The following SLC6A6 variants were observed in gnomAD, a reference collection of about 807,000 sequenced individuals.
SLC6A6 encodes sodium- and chloride-dependent taurine transporter.
SLC6A6 carries 16 observed loss-of-function variants against 68.8 expected under a neutral mutation model. The ratio of observed to expected loss-of-function variants is 0.23; its 90% confidence interval spans 0.16 to 0.35. The LOEUF is 0.35. Ranked by LOEUF, SLC6A6 falls within the 10% of genes least tolerant of loss-of-function variation. SLC6A6 has a pLI of 1.00. For synonymous variants in SLC6A6, 312 were observed against 315.4 expected (o/e 0.99, Z 0.12); for missense variants, 474 against 802.8 (o/e 0.59, Z 4.95).
At position 14,436,349 on chromosome 3, in the gene SLC6A6, C is replaced by T. The variant is rs575187133; in HGVS notation, c.-11-7275C>T. On this transcript the variant is annotated intron_variant, in intron 2 of 14. Transcript: ENST00000622186. Reference sequence around the variant, plus strand: ...CTGAGTAGCTGGGACTGCAGGCGCACGTGACCACACCTGGCTAATTTTTTT... The same window carrying T: ...CTGAGTAGCTGGGACTGCAGGCGCATGTGACCACACCTGGCTAATTTTTTT... 2.0e-4 allele frequency among the ~76,000 whole-genome samples: 31 copies of T among 151,998 alleles called. No individual in the cohort carries two copies. The South Asian group carries it at 5.6e-3, about 28-fold the overall frequency.
Position 14,488,598 on chromosome 3 carries a change from A to C in SLC6A6, c.*3591A>C, listed in dbSNP as rs1701240789. On this transcript the variant is annotated 3_prime_UTR_variant, in exon 15 of 15. Transcript: ENST00000622186. ...TGGCCTGAGGTCCCATCCCTCCCTC[A>C]GACCCATGTGGTCCCAGGCCAGGCT... 6.6e-6 allele frequency: 1 copy of C among 152,202 alleles called. No individual in the cohort carries two copies. 9.4% of individuals were successfully genotyped at this position (152,202 alleles called of 1,614,324 possible).
intron 2 of SLC6A6, among the ~76,000 whole-genome samples, chr3:14,425,871 C>T (rs890980852): frequency 2.6e-5 from 4 of 152,184 alleles, no homozygotes; most frequent in Non-Finnish European, 5.9e-5. Context: ...AATGGCTAAA[C>T]ATTTCTTCCC....
intron 5 of SLC6A6, among the ~76,000 whole-genome samples, chr3:14,449,244 G>C (rs1223946162): frequency 6.6e-6 from 1 of 152,248 alleles, no homozygotes; most frequent in East Asian, 1.9e-4. Flanking sequence ...CAGGCCTTCA[G>C]TGTATGCTCA....
intron 10 of SLC6A6, among the ~76,000 whole-genome samples, chr3:14,474,939 C>G (rs1040788264): frequency 1.3e-5 from 2 of 152,254 alleles, no homozygotes; most frequent in Non-Finnish European, 2.9e-5. Flanking sequence ...TAAGAGCCAT[C>G]ATACTGCTGC....
intron 3 of SLC6A6, 113 bp from the exon 4 acceptor site, chr3:14,445,604 C>T (rs1380618223): frequency 1.6e-6 from 2 of 1,221,794 alleles, no homozygotes; most frequent in Admixed American, 1.7e-5. Context: ...GGCCTTGAGC[C>T]TCATGCCCCT....
At chr3:14,404,691 G>A (rs138343779) in intron 1 of SLC6A6, among the ~76,000 whole-genome samples, 5 of 152,348 alleles carry the variant, frequency 3.3e-5, no homozygotes, top group Admixed American at 1.3e-4. Flanking sequence ...CACCAGTGCC[G>A]GCCTCACTAC....
At position 14,477,322 on chromosome 3, in the gene SLC6A6, G is replaced by C. The variant is rs1196462270; in HGVS notation, c.1327G>C (p.Gly443Arg). The part of the protein sequence containing the change: ...AFVCSISYLL[G>R]LTMVTEGGMY... ...CGTGTGTAGCATCAGCTACCTGCTG[G>C]GGCTGACGATGGTGACGGAGGTAGG... The change falls in exon 11 of 15, where the codon GGG becomes CGG. Residue 443 changes from glycine to arginine, a missense_variant. Around this residue, in one of 2 missense-constraint regions of SLC6A6, gnomAD observed 194 missense variants for 269.8 expected, o/e 0.72. Coordinates refer to ENST00000622186, the MANE Select transcript of SLC6A6 (RefSeq NM_003043.6). The surrounding 1 kb of genome is among the most constrained non-coding windows in gnomAD (Gnocchi z 4.2). The C allele has an allele frequency of 6.2e-7, 1 of 1,614,086 alleles. No homozygotes were observed. Among genetic ancestry groups the C allele is most frequent in the Non-Finnish European group, 8.5e-7 (1 of 1,179,942 alleles).
At chr3:14,442,714 T>C (rs1171894295) in intron 2 of SLC6A6, among the ~76,000 whole-genome samples, 1 of 152,106 alleles carries the variant, frequency 6.6e-6, no homozygotes, top group Non-Finnish European at 1.5e-5. Flanking sequence ...CAAGCATAAG[T>C]GGGCTGAGGG....
At chr3:14,409,682 A>G (rs1252756264) in intron 1 of SLC6A6, among the ~76,000 whole-genome samples, 1 of 152,208 alleles carries the variant, frequency 6.6e-6, no homozygotes, top group Non-Finnish European at 1.5e-5. Context: ...AGGTTAGTGA[A>G]CAGTCTAAGA....
At chr3:14,413,363 G>A (rs949804512) in intron 1 of SLC6A6, among the ~76,000 whole-genome samples, 3 of 152,344 alleles carry the variant, frequency 2.0e-5, no homozygotes, top group African/African-American at 7.2e-5. Context: ...CTGCAGCCAC[G>A]CAGGCATTCT....
In SLC6A6 at chr3:14,442,133, T is replaced by C. The variant is rs576358350; in HGVS notation, c.-11-1491T>C. 2.2e-4 allele frequency among the ~76,000 whole-genome samples: 33 copies of C among 152,250 alleles called. 1 individual carries two copies. Among genetic ancestry groups the C allele is most frequent in the Non-Finnish European group, 4.0e-4 (27 of 68,012 alleles). On this transcript the variant is annotated intron_variant, in intron 2 of 14. Coordinates refer to ENST00000622186, the MANE Select transcript of SLC6A6 (RefSeq NM_003043.6). The stretch of plus-strand genomic sequence containing the variant: ...GTGTGACAAGGGTCACGTGACAAGG[T>C]GGTCACATCTGCTCCAGTCAGCAAT...
chr3:14,471,982 G>A (rs1326626893), intron 9 of SLC6A6, among the ~76,000 whole-genome samples: 1 of 152,126 alleles, frequency 6.6e-6, no homozygotes, highest in African/African-American at 2.4e-5. Flanking sequence ...AGGAGGCCAC[G>A]TGTGCTGTGT....
At chr3:14,455,651 G>A (rs1026101340) in intron 5 of SLC6A6, among the ~76,000 whole-genome samples, 1 of 152,192 alleles carries the variant, frequency 6.6e-6, no homozygotes, top group Non-Finnish European at 1.5e-5. Flanking sequence ...CCTGGGAGAT[G>A]GTGGAAAGGT....
In SLC6A6 at chr3:14,487,037, T is replaced by C. The variant is rs1701186535; in HGVS notation, c.*2030T>C. On this transcript the variant is annotated 3_prime_UTR_variant, in exon 15 of 15. Coordinates refer to ENST00000622186, the MANE Select transcript of SLC6A6 (RefSeq NM_003043.6). ...TGTTTTCCTTTGTCTTATATAACTTTAGTAAACTAACCACTGTCAATGATT... is the reference window on the plus strand; with the variant it reads ...TGTTTTCCTTTGTCTTATATAACTTCAGTAAACTAACCACTGTCAATGATT... 1 of 152,790 alleles carries C rather than the reference T, an allele frequency of 6.5e-6. No homozygotes were observed. The highest frequency in any genetic ancestry group is 2.4e-5 in the African/African-American group (1 of 41,574). The allele number at this position is 152,790 out of a possible 1,614,324, so 9.5% of individuals were successfully genotyped here. A position where few individuals can be genotyped will look rare whatever the true frequency, so the allele number is the denominator to read the frequency against.
chr3:14,470,100 G>A (rs1700717635), intron 9 of SLC6A6, among the ~76,000 whole-genome samples: 1 of 152,200 alleles, frequency 6.6e-6, no homozygotes, highest in South Asian at 2.1e-4. Flanking sequence ...AATTGAGTGG[G>A]AATCTCCAGG....
At position 14,472,885 on chromosome 3, in the gene SLC6A6, C is replaced by T. The variant is rs923152496; in HGVS notation, c.1209+568C>T. On this transcript the variant is annotated intron_variant, in intron 10 of 14. Coordinates refer to ENST00000622186, the MANE Select transcript of SLC6A6 (RefSeq NM_003043.6). This position sits in a 1 kb window ranked among gnomAD's most constrained non-coding sequence, Gnocchi z 4.5. The stretch of plus-strand genomic sequence containing the variant: ...CGAGGGGCTGGGCATTGGCTCCCTC[C>T]CGTGCTTTATACACCGCACAGGCCG... 6.6e-6 allele frequency among the ~76,000 whole-genome samples: 1 copy of T among 152,232 alleles called. No individual in the cohort carries two copies. Among genetic ancestry groups the T allele is most frequent in the Non-Finnish European group, 1.5e-5 (1 of 68,044 alleles).
At position 14,489,305 on chromosome 3, in the gene SLC6A6, AT is replaced by A. The variant is rs1701269672; in HGVS notation, c.*4299del. 1 of 152,692 alleles carries A rather than the reference AT, an allele frequency of 6.5e-6. No homozygotes were observed. The highest frequency in any genetic ancestry group is 1.9e-4 in the East Asian group (1 of 5,192). 9.5% of individuals were successfully genotyped at this position (152,692 alleles called of 1,614,324 possible). A position where few individuals can be genotyped will look rare whatever the true frequency, so the allele number is the denominator to read the frequency against. ...TTTGCTTTTTTTAGAGGAGTTTGTA[AT>A]CACCTTATAACATGAAAATAAACAT... On this transcript the variant is annotated 3_prime_UTR_variant, in exon 15 of 15. Transcript: ENST00000622186.
At chr3:14,406,401 G>A (rs1177730304) in intron 1 of SLC6A6, among the ~76,000 whole-genome samples, 1 of 152,202 alleles carries the variant, frequency 6.6e-6, no homozygotes, top group East Asian at 1.9e-4. Flanking sequence ...GCAGAAGCCA[G>A]TCAAGCCTGG....
At position 14,485,249 on chromosome 3, in the gene SLC6A6, G is replaced by A. The variant is rs912488548; in HGVS notation, c.*242G>A. On this transcript the variant is annotated 3_prime_UTR_variant, in exon 15 of 15. Transcript: ENST00000622186. ...AAAGAAAACCCACGGGAAGATGTCC[G>A]TGGAGAGGCAGAGCTTTCATACTGA... The A allele has an allele frequency of 2.5e-5, 9 of 363,152 alleles. No homozygotes were observed. Among genetic ancestry groups the A allele is most frequent in the Admixed American group, 8.6e-5 (2 of 23,316 alleles). 22.5% of individuals were successfully genotyped at this position (363,152 alleles called of 1,614,324 possible). A position where few individuals can be genotyped will look rare whatever the true frequency, so the allele number is the denominator to read the frequency against.
Sources: allele counts gnomAD v4.1 joint callset (sites outside exome capture counted in the v4.1 genomes callset), GRCh38; gene constraint gnomAD v4.1.1; regional missense constraint gnomAD v4.1.1; non-coding constraint Gnocchi (gnomAD v3.1); transcripts MANE v1.5; gene names NCBI Gene and HGNC (gene_info 2026-07-23, HGNC 2026-07-21).